EVC2: variants seen among roughly 807,000 people sequenced by gnomAD.
EVC2 encodes limbin.
Under a neutral mutation model 149.3 loss-of-function variants are expected in EVC2, and 148 were observed. The observed-to-expected ratio is 0.99, with a 90% CI of 0.87 to 1.14. The LOEUF (loss-of-function observed/expected upper bound fraction) is 1.14, where lower values mean the gene tolerates loss of function less well. Among genes scored for constraint, EVC2 ranks in the 50% most tolerant of loss-of-function variants. The pLI is 0.00. For missense variants in EVC2, 1,854 were observed against 1,627.3 expected (o/e 1.14, Z -2.40); for synonymous variants, 776 against 649.9 (o/e 1.19, Z -2.95).
chr4:5,654,796 T>C (rs1184442529), intron 9 of EVC2, among the ~76,000 whole-genome samples: 2 of 152,134 alleles, frequency 1.3e-5, no homozygotes, highest in Non-Finnish European at 2.9e-5. Flanking sequence ...CCTATGGCCA[T>C]AACTAAGCAG....
At chr4:5,550,477 G>T (rs375367277) in intron 21 of EVC2, among the ~76,000 whole-genome samples, 1 of 152,170 alleles carries the variant, frequency 6.6e-6, no homozygotes, top group African/African-American at 2.4e-5. Flanking sequence ...ATGATTTAGG[G>T]TATCCGGCGG....
rs530451522 is a variant in EVC2, at chr4:5,568,511, C to T, written c.3490G>A (p.Glu1164Lys). 7 of 1,589,736 alleles carry T rather than the reference C, an allele frequency of 4.4e-6. No individual in the cohort carries two copies. Among genetic ancestry groups the T allele is most frequent in the African/African-American group, 1.3e-5 (1 of 74,822 alleles). Residue 1164 changes from glutamate (E) to lysine (K), a missense_variant, in exon 20 of 22, where the codon GAG becomes AAG. Coordinates refer to ENST00000344408, the MANE Select transcript of EVC2 (RefSeq NM_147127.5). ...QLLALLDSAT[E>K]RHVDHAAESD... ...TCAGCTGCGTGGTCCACATGTCTCT[C>T]GGTGGCCGAATCCAGCAGGGCCAGC... is the stretch of plus-strand genomic sequence containing the variant.
chr4:5,562,876 T>A lies in EVC2; in HGVS notation c.3899A>T (p.Lys1300Met), dbSNP rs781685362. The A allele has an allele frequency of 2.5e-6, 4 of 1,614,150 alleles. No homozygotes were observed. The highest frequency in any genetic ancestry group is 4.5e-5 in the East Asian group (2 of 44,886). The change falls in exon 22 of 22, where the codon AAG (lysine) becomes ATG (methionine). Residue 1300 changes from lysine to methionine, a missense_variant. Lys to Met is a moderately conservative substitution (Grantham distance 95). Coordinates refer to ENST00000344408, the MANE Select transcript of EVC2 (RefSeq NM_147127.5). This position sits in a 1 kb window ranked among gnomAD's most constrained non-coding sequence, Gnocchi z 4.3. ...GTCCATGCCCAAGGCCCTCATGGCC[T>A]TTTTGGCATTCAAAAAGTTCTTCTT... ...RKKKNFLNAKKAMRALGMD is the reference protein window; with the variant it reads ...RKKKNFLNAKMAMRALGMD
intron 3 of EVC2, 102 bp downstream of exon 3, chr4:5,694,233 T>A (rs1721314202): frequency 8.0e-7 from 1 of 1,252,232 alleles, no homozygotes; most frequent in South Asian, 1.3e-5. Flanking sequence ...AGGAATAGGG[T>A]TTTTTTAAGC....
chr4:5,542,878 C>T (rs1721541495), exon 23 of EVC2: 2 of 319,232 alleles, frequency 6.3e-6, no homozygotes, highest in Admixed American at 4.3e-5. Flanking sequence ...AACAGCAGCT[C>T]TCCCAGGCCC....
chr4:5,622,091 C>T lies in EVC2; in HGVS notation c.2501+446G>A, dbSNP rs1348910877. Among the ~76,000 whole-genome samples the T allele has an allele frequency of 6.6e-6, 1 of 152,084 alleles. No individual in the cohort carries two copies. Reference sequence around the variant, plus strand: ...TGAGCAGCCTTGATGCCTGGTGAAACTAGCAGGGCCTGGAATGGCCTAACC... The same window carrying T: ...TGAGCAGCCTTGATGCCTGGTGAAATTAGCAGGGCCTGGAATGGCCTAACC... On this transcript the variant is annotated intron_variant, in intron 14 of 21. Coordinates refer to ENST00000344408, the MANE Select transcript of EVC2 (RefSeq NM_147127.5). This position sits in a 1 kb window ranked among gnomAD's most constrained non-coding sequence, Gnocchi z 5.8.
intron 9 of EVC2, among the ~76,000 whole-genome samples, chr4:5,655,520 G>A (rs1173973010): frequency 2.6e-5 from 4 of 152,036 alleles, no homozygotes; most frequent in East Asian, 3.9e-4. Flanking sequence ...AATGCCCCAC[G>A]CACATTCTGA....
At chr4:5,552,086 CATTTGTTTAGCT>C (rs1269930786) in intron 21 of EVC2, among the ~76,000 whole-genome samples, 1 of 152,098 alleles carries the variant, frequency 6.6e-6, no homozygotes. Context: ...CAAGTACTTT[CATTTGTTTAGCT>C]ATTTCTTATG....
At chr4:5,634,739 T>C (rs1716775623) in intron 10 of EVC2, among the ~76,000 whole-genome samples, 1 of 152,066 alleles carries the variant, frequency 6.6e-6, no homozygotes, top group Admixed American at 6.5e-5. Context: ...ATGGCAGAGA[T>C]GAGAAAACTA....
chr4:5,566,794 G>A (rs1722316386), intron 20 of EVC2, among the ~76,000 whole-genome samples: 1 of 152,116 alleles, frequency 6.6e-6, no homozygotes, highest in South Asian at 2.1e-4. Context: ...GGCTGAAGGG[G>A]AAGCACCAAA....
At chr4:5,564,066 T>C (rs1050275214) in intron 21 of EVC2, among the ~76,000 whole-genome samples, 3 of 151,830 alleles carry the variant, frequency 2.0e-5, no homozygotes, top group Admixed American at 2.0e-4. Context: ...CAAGGCCATG[T>C]CACTGGGGAT....
the EVC2 span, among the ~76,000 whole-genome samples, chr4:5,533,687 T>G: frequency 2.6e-5 from 4 of 152,104 alleles, no homozygotes; most frequent in Non-Finnish European, 5.9e-5. Flanking sequence ...TCTGCCAGAG[T>G]TCGTTTGCTG....
intron 21 of EVC2, among the ~76,000 whole-genome samples, chr4:5,556,340 A>T (rs954229833): frequency 6.6e-6 from 1 of 152,072 alleles, no homozygotes; most frequent in South Asian, 2.1e-4. Flanking sequence ...TTTCTAAACA[A>T]CACATGGGAC....
At chr4:5,664,714 C>T (rs1719140599) in intron 8 of EVC2, among the ~76,000 whole-genome samples, 2 of 152,148 alleles carry the variant, frequency 1.3e-5, no homozygotes, top group Admixed American at 1.3e-4. Context: ...CAGGACTAAG[C>T]CCCAGGGCAG....
intron 9 of EVC2, among the ~76,000 whole-genome samples, chr4:5,662,131 G>A (rs1001179990): frequency 6.6e-6 from 1 of 151,980 alleles, no homozygotes; most frequent in Admixed American, 6.6e-5. Context: ...AGCCACACTT[G>A]GCTACTGACA....
At chr4:5,648,874 CCA>C (rs1252946926) in intron 9 of EVC2, among the ~76,000 whole-genome samples, 1 of 152,300 alleles carries the variant, frequency 6.6e-6, no homozygotes, top group East Asian at 1.9e-4. Context: ...AAATACCATG[CCA>C]CTAATGAAGC....
rs1200665059 is a variant in EVC2, at chr4:5,679,325, TC to T, written c.870+1934del. On this transcript the variant is annotated intron_variant, in intron 7 of 21. Transcript: ENST00000344408. This position sits in a 1 kb window ranked among gnomAD's most constrained non-coding sequence, Gnocchi z 5.1. ...ATCTCGGCTCACTGCAACCTCCGCC[TC>T]CCAGGTTCAAGCAATTCGCATGTCT... Among the ~76,000 whole-genome samples, 2 of 152,020 alleles carry T rather than the reference TC, an allele frequency of 1.3e-5. No individual in the cohort carries two copies. The highest frequency in any genetic ancestry group is 4.8e-5 in the African/African-American group (2 of 41,400).
chr4:5,663,207 T>A lies in EVC2; in HGVS notation c.1045A>T (p.Thr349Ser). 1 of 1,614,146 alleles carries A rather than the reference T, an allele frequency of 6.2e-7. No individual in the cohort carries two copies. The highest frequency in any genetic ancestry group is 8.5e-7 in the Non-Finnish European group (1 of 1,180,016). Residue 349 changes from threonine to serine, a missense_variant, in exon 9 of 22, where the codon ACC becomes TCC. Thr to Ser is a moderately conservative substitution (Grantham distance 58). Transcript: ENST00000344408. ...TCCTCATTCACGCCATCAGCTGAGGTGAACGGCAAGGGTTCCAGCTTGCTC... is the reference window on the plus strand; with the variant it reads ...TCCTCATTCACGCCATCAGCTGAGGAGAACGGCAAGGGTTCCAGCTTGCTC... ...YESKLEPLPF[T>S]SADGVNEDLS...
rs1721465364 is a variant in EVC2, at chr4:5,696,143, C to A, written c.283+1450G>T. Among the ~76,000 whole-genome samples the A allele has an allele frequency of 6.6e-6, 1 of 152,144 alleles. No homozygotes were observed. Among genetic ancestry groups the A allele is most frequent in the Admixed American group, 6.5e-5 (1 of 15,284 alleles). ...GTGAGACCGGACATCCATCTCCGGACCCCAGCACAGCACCCTGGGCCAGGG... is the reference window on the plus strand; with the variant it reads ...GTGAGACCGGACATCCATCTCCGGAACCCAGCACAGCACCCTGGGCCAGGG... On this transcript the variant is annotated intron_variant, in intron 2 of 21. Transcript: ENST00000344408. The surrounding 1 kb of genome is among the most constrained non-coding windows in gnomAD (Gnocchi z 4.1).
Sources: gnomAD v4.1 joint callset for allele counts (sites outside exome capture counted in the v4.1 genomes callset) on GRCh38, gnomAD v4.1.1 for gene constraint, Gnocchi (gnomAD v3.1) non-coding constraint, MANE v1.5 for transcripts, NCBI Gene and HGNC (gene_info 2026-07-23, HGNC 2026-07-21) for gene names.